The following RSL1D1 variants were observed in gnomAD, a reference collection of about 807,000 sequenced individuals.
The protein encoded by RSL1D1 is ribosomal L1 domain containing 1, also known as ribosomal L1 domain-containing protein 1.
In RSL1D1, 34 loss-of-function variants were observed where a neutral mutation model predicts 44.6. That is an observed-to-expected ratio of 0.76 (90% CI 0.58 to 1.02). The LOEUF (loss-of-function observed/expected upper bound fraction) is 1.02. Among genes scored for constraint, RSL1D1 ranks in the 50% least tolerant of loss-of-function variants. The pLI, the probability that RSL1D1 is intolerant of heterozygous loss-of-function variation, is 0.00. For synonymous variants in RSL1D1, 271 were observed against 207.4 expected (o/e 1.31, Z -2.63); for missense variants, 767 against 568.1 (o/e 1.35, Z -3.56).
At position 11,841,717 on chromosome 16, in the gene RSL1D1, G is replaced by A. The variant is rs750028349; in HGVS notation, c.833C>T (p.Ser278Phe). Residue 278 changes from serine to phenylalanine, a missense_variant, in exon 7 of 9, where the codon TCT becomes TTT. Physicochemically the swap from Ser to Phe is radical, Grantham distance 155 (BLOSUM62 -2). Transcript: ENST00000571133. ...AACTTTTTTCTTCTTATTAAGCAAA[G>A]ATCTTTTGGTGGCTTCATCCCAATT... ...VSNWDEATKR[S>F]LLNKKKKEAR... 6.2e-7 allele frequency: 1 copy of A among 1,612,874 alleles called. No homozygotes were observed. Among genetic ancestry groups the A allele is most frequent in the Non-Finnish European group, 8.5e-7 (1 of 1,179,590 alleles).
intron 2 of RSL1D1, among the ~76,000 whole-genome samples, chr16:11,848,502 G>T (rs543153147): frequency 6.6e-5 from 10 of 152,138 alleles, no homozygotes; most frequent in Non-Finnish European, 1.3e-4. Flanking sequence ...AAAACTCTTA[G>T]CTCCATAAAC....
intron 5 of RSL1D1, among the ~76,000 whole-genome samples, chr16:11,845,222 A>C (rs73509765): frequency 6.6e-6 from 1 of 152,186 alleles, no homozygotes; most frequent in Non-Finnish European, 1.5e-5. Context: ...GGAGGCCAGG[A>C]CAGGAGGACC....
Position 11,846,675 on chromosome 16 carries a change from G to A in RSL1D1, c.533+20C>T, listed in dbSNP as rs1420126627. 1.2e-6 allele frequency: 2 copies of A among 1,613,410 alleles called. No homozygotes were observed. The highest frequency in any genetic ancestry group is 2.2e-5 in the South Asian group (2 of 91,042). On this transcript the variant is annotated intron_variant, in intron 4 of 8. Coordinates refer to ENST00000571133, the MANE Select transcript of RSL1D1 (RefSeq NM_015659.3). The stretch of plus-strand genomic sequence containing the variant: ...AGAAGCTTCATGCTGCTAAAGTCCA[G>A]TCATTACTAAGAAACTTACTTCTTT...
chr16:11,839,798 C>A lies in RSL1D1; in HGVS notation c.1043G>T (p.Arg348Leu), dbSNP rs760933954. Residue 348 changes from arginine to leucine, a missense_variant, in exon 8 of 9, where the codon CGT (arginine) becomes CTT (leucine). Coordinates refer to ENST00000571133, the MANE Select transcript of RSL1D1 (RefSeq NM_015659.3). ...EQTPEHGKKK[R>L]GRGKAQVKAT... ...TTTAACTTGGGCTTTTCCTCTGCCA[C>A]GTTTTTTCTTCCCATGCTCTGGGGT... 3.1e-6 allele frequency: 5 copies of A among 1,614,118 alleles called. No homozygotes were observed. The highest frequency in any genetic ancestry group is 3.4e-6 in the Non-Finnish European group (4 of 1,180,034).
rs1204828657 is a variant in RSL1D1 at position 11,851,517 on chromosome 16, T to C, written c.-5A>G. ...GGCCGAGGCCGAATCCTCCATCTTG[T>C]TTCCACCTCGTGAAGAGGCGCGTGT... On this transcript the variant is annotated 5_prime_UTR_variant, in exon 1 of 9. Coordinates refer to ENST00000571133, the MANE Select transcript of RSL1D1 (RefSeq NM_015659.3). 6.2e-7 allele frequency: 1 copy of C among 1,613,120 alleles called. No homozygotes were observed. The highest frequency in any genetic ancestry group is 8.5e-7 in the Non-Finnish European group (1 of 1,179,858).
chr16:11,839,195 GTC>G (rs952738466), intron 8 of RSL1D1, among the ~76,000 whole-genome samples: 3 of 151,714 alleles, frequency 2.0e-5, no homozygotes, highest in Non-Finnish European at 4.4e-5. Context: ...GCAAAACCCC[GTC>G]TCTACCAAAA....
At chr16:11,845,009 T>C (rs2053787769) in intron 5 of RSL1D1, among the ~76,000 whole-genome samples, 1 of 152,198 alleles carries the variant, frequency 6.6e-6, no homozygotes, top group South Asian at 2.1e-4. Flanking sequence ...GGGCTCCGCC[T>C]AGCTCAGTAT....
chr16:11,842,984 T>A (rs910579336), intron 5 of RSL1D1, among the ~76,000 whole-genome samples: 33 of 147,922 alleles, frequency 2.2e-4, no homozygotes, highest in African/African-American at 8.3e-4. Flanking sequence ...TGCAATGGCG[T>A]GATCTTGGCT....
chr16:11,848,319 C>G (rs2053813414), intron 2 of RSL1D1, among the ~76,000 whole-genome samples: 1 of 151,994 alleles, frequency 6.6e-6, no homozygotes, highest in African/African-American at 2.4e-5. Flanking sequence ...CACACAGGCC[C>G]AAATATCAAT....
intron 6 of RSL1D1, 35 bp from the exon 7 acceptor site, chr16:11,841,855 T>A: frequency 1.9e-6 from 3 of 1,612,428 alleles, no homozygotes; most frequent in Non-Finnish European, 2.5e-6. Flanking sequence ...CGTCTACATA[T>A]ACTTTGTTTC....
intron 1 of RSL1D1, 111 bp from the exon 2 acceptor site, chr16:11,850,529 T>C (rs1449444011): frequency 1.5e-5 from 17 of 1,100,518 alleles, no homozygotes; most frequent in Non-Finnish European, 2.2e-5. Flanking sequence ...CACCTTCTAT[T>C]TTTTCCCTTC....
At chr16:11,838,205 A>C in intron 8 of RSL1D1, 92 bp from the exon 9 acceptor site, 2 of 1,123,840 alleles carry the variant, frequency 1.8e-6, no homozygotes, top group Non-Finnish European at 2.5e-6. Context: ...GTATTTATTT[A>C]TTTTTCAGAC....
chr16:11,846,711 A>C lies in RSL1D1; in HGVS notation c.517T>G (p.Phe173Val), dbSNP rs374820045. The C allele has an allele frequency of 1.9e-6, 3 of 1,613,800 alleles. No individual in the cohort carries two copies. The highest frequency in any genetic ancestry group is 2.5e-6 in the Non-Finnish European group (3 of 1,179,958). Residue 173 changes from phenylalanine to valine, a missense_variant, in exon 4 of 9, where the codon TTC becomes GTC. Coordinates refer to ENST00000571133, the MANE Select transcript of RSL1D1 (RefSeq NM_015659.3). ...RLLPSLIGRH[F>V]YQRKKVPVSV... ...GAAACTTACTTCTTTCTTTGATAGA[A>C]ATGTCTCCCAATGAGTGAGGGTAAG...
At chr16:11,851,113 A>T (rs1009429056) in intron 1 of RSL1D1, 2 of 465,078 alleles carry the variant, frequency 4.3e-6, no homozygotes, top group Non-Finnish European at 7.9e-6. Flanking sequence ...TGCAAAACTA[A>T]GCGATTCGGT....
chr16:11,839,310 G>T (rs2053745607), intron 8 of RSL1D1, among the ~76,000 whole-genome samples: 1 of 150,732 alleles, frequency 6.6e-6, no homozygotes, highest in African/African-American at 2.4e-5. Flanking sequence ...AGGTTGCAGT[G>T]AGCTGAGATC....
At position 11,847,205 on chromosome 16, in the gene RSL1D1, G is replaced by A. The variant is rs533501728; in HGVS notation, c.385-362C>T. On this transcript the variant is annotated intron_variant, in intron 3 of 8. Transcript: ENST00000571133. ...AGCCTGGCCAACATGGTGAAACCTCGTCTCTATAAAAATATAAAAATTAGC... is the reference window on the plus strand; with the variant it reads ...AGCCTGGCCAACATGGTGAAACCTCATCTCTATAAAAATATAAAAATTAGC... Among the ~76,000 whole-genome samples, 57 of 152,142 alleles carry A rather than the reference G, an allele frequency of 3.7e-4. 1 individual carries two copies. The highest frequency in any genetic ancestry group is 4.8e-5 in the African/African-American group (2 of 41,516).
chr16:11,848,074 A>G (rs2053811917), intron 2 of RSL1D1, among the ~76,000 whole-genome samples: 1 of 152,148 alleles, frequency 6.6e-6, no homozygotes, highest in Non-Finnish European at 1.5e-5. Flanking sequence ...CAACATGGTG[A>G]AACCCTGTTT....
rs972191703 is a variant in RSL1D1, at chr16:11,851,033, A to G, written c.105+375T>C. 48 of 345,354 alleles carry G rather than the reference A, an allele frequency of 1.4e-4. 1 individual carries two copies. Among genetic ancestry groups the G allele is most frequent in the South Asian group, 9.9e-4 (43 of 43,254 alleles). The allele number at this position is 345,354 out of a possible 1,614,324, so 21.4% of individuals were successfully genotyped here. A position where few individuals can be genotyped will look rare whatever the true frequency, so the allele number is the denominator to read the frequency against. On this transcript the variant is annotated intron_variant, in intron 1 of 8. Coordinates refer to ENST00000571133, the MANE Select transcript of RSL1D1 (RefSeq NM_015659.3). ...CATGTACCAGGCCAAAGCGCTTTACACTCATTACCTCTCCCGATCCTGGAT... is the reference window on the plus strand; with the variant it reads ...CATGTACCAGGCCAAAGCGCTTTACGCTCATTACCTCTCCCGATCCTGGAT...
rs138786759 is a variant in RSL1D1 at position 11,835,823 on chromosome 16, T to A, written c.*1964A>T. The A allele has an allele frequency of 6.6e-6, 1 of 151,944 alleles. No individual in the cohort carries two copies. Among genetic ancestry groups the A allele is most frequent in the Non-Finnish European group, 1.5e-5 (1 of 68,024 alleles). 9.4% of individuals were successfully genotyped at this position (151,944 alleles called of 1,614,324 possible). A position where few individuals can be genotyped will look rare whatever the true frequency, so the allele number is the denominator to read the frequency against. ...TGCATTCTGACATAATGTAAAAGAG[T>A]CTTGGAATATGTCCAGGGTCAAGGG... On this transcript the variant is annotated 3_prime_UTR_variant, in exon 9 of 9. Coordinates refer to ENST00000571133, the MANE Select transcript of RSL1D1 (RefSeq NM_015659.3).
Sources: gnomAD v4.1 joint callset for allele counts (sites outside exome capture counted in the v4.1 genomes callset) on GRCh38, gnomAD v4.1.1 for gene constraint, MANE v1.5 for transcripts, NCBI Gene and HGNC (gene_info 2026-07-23, HGNC 2026-07-21) for gene names.